ZNRF3: variants seen among roughly 807,000 people sequenced by gnomAD.
The protein encoded by ZNRF3 is E3 ubiquitin-protein ligase ZNRF3.
A neutral mutation model predicts 72.5 loss-of-function variants in ZNRF3; 23 were observed. The observed-to-expected ratio is 0.32, with a 90% CI of 0.23 to 0.45. ZNRF3 has a LOEUF of 0.45. Among genes scored for constraint, ZNRF3 ranks in the 20% least tolerant of loss-of-function variants. The pLI is 1.00. For synonymous variants in ZNRF3, 610 were observed against 545.3 expected (o/e 1.12, Z -1.65); for missense variants, 1,169 against 1,272.1 (o/e 0.92, Z 1.23).
At chr22:29,033,350 C>CAAAAAAAAAAA (rs60310622) in intron 2 of ZNRF3, among the ~76,000 whole-genome samples, 1 of 66,140 alleles carries the variant, frequency 1.5e-5, no homozygotes, top group Non-Finnish European at 2.7e-5. Context: ...GACTCCATCT[C>CAAAAAAAAAAA]AAAAAAAAAA....
At chr22:29,020,776 G>GGTGTGT (rs3037492) in intron 2 of ZNRF3, among the ~76,000 whole-genome samples, 91 of 86,156 alleles carry the variant, frequency 1.1e-3, no homozygotes, top group Middle Eastern at 6.8e-3. Context: ...TGTGTGTGTG[G>GGTGTGT]GTGTGTGTGT....
chr22:28,903,662 C>T (rs60213855), intron 1 of ZNRF3, among the ~76,000 whole-genome samples: 2,719 of 152,152 alleles, frequency 0.018, 91 homozygotes, highest in African/African-American at 0.062. Context: ...TCACTGCCTA[C>T]CTCCTCCTCT....
intron 1 of ZNRF3, among the ~76,000 whole-genome samples, chr22:28,914,553 G>A (rs1258906618): frequency 1.4e-5 from 2 of 139,708 alleles, no homozygotes; most frequent in African/African-American, 2.7e-5. Context: ...GGTGGCTCAC[G>A]CCTATAATTC....
In ZNRF3 at chr22:29,056,055, A is replaced by T. The variant is rs2037291972; in HGVS notation, c.*2433A>T. 6.6e-6 allele frequency: 1 copy of T among 152,078 alleles called. No individual in the cohort carries two copies. The highest frequency in any genetic ancestry group is 2.1e-4 in the South Asian group (1 of 4,828). 9.4% of individuals were successfully genotyped at this position (152,078 alleles called of 1,614,324 possible). On this transcript the variant is annotated 3_prime_UTR_variant, in exon 9 of 9. Transcript: ENST00000544604. ...TTAATTTTTGTAGCTTACAGGTGGT[A>T]GAAACAAAAATGCAATTTTAAAACC... is the stretch of plus-strand genomic sequence containing the variant.
intron 1 of ZNRF3, among the ~76,000 whole-genome samples, chr22:28,897,451 G>GCATTT (rs2034018916): frequency 6.6e-6 from 1 of 152,222 alleles, no homozygotes; most frequent in African/African-American, 2.4e-5. Flanking sequence ...CTCTTGAGTA[G>GCATTT]CTGGGACCAC....
At chr22:29,006,854 G>A (rs2036259511) in intron 2 of ZNRF3, among the ~76,000 whole-genome samples, 1 of 152,206 alleles carries the variant, frequency 6.6e-6, no homozygotes, top group Non-Finnish European at 1.5e-5. Flanking sequence ...GGTAGGTTTT[G>A]ATAAAGTCTT....
At chr22:28,895,511 C>CA (rs1180221758) in intron 1 of ZNRF3, among the ~76,000 whole-genome samples, 8 of 152,076 alleles carry the variant, frequency 5.3e-5, no homozygotes, top group Non-Finnish European at 1.0e-4. Context: ...ACTAAAAATA[C>CA]AAAAAATTAG....
At chr22:28,939,793 TG>T (rs2034909306) in intron 1 of ZNRF3, among the ~76,000 whole-genome samples, 1 of 152,164 alleles carries the variant, frequency 6.6e-6, no homozygotes, top group Non-Finnish European at 1.5e-5. Flanking sequence ...CCAAGTCAGG[TG>T]GAGCTTACAT....
intron 1 of ZNRF3, among the ~76,000 whole-genome samples, chr22:28,922,238 C>A (rs1370064829): frequency 1.3e-5 from 2 of 152,074 alleles, no homozygotes; most frequent in Admixed American, 6.5e-5. Context: ...TACTTTAAAT[C>A]GGGTTACTTG....
intron 1 of ZNRF3, among the ~76,000 whole-genome samples, chr22:28,934,817 C>CAAA (rs1244256699): frequency 3.5e-5 from 2 of 57,130 alleles, no homozygotes; most frequent in East Asian, 5.8e-4. Context: ...GACTCTGTCT[C>CAAA]AAAAAAAAAA....
intron 2 of ZNRF3, chr22:29,018,711 T>C (rs75708084): frequency 0.024 from 3,677 of 152,224 alleles, 67 homozygotes; most frequent in Non-Finnish European, 0.037. Flanking sequence ...AAAACAGAAA[T>C]AGGCTGAGGA....
In ZNRF3 at chr22:28,907,686, A is replaced by G. The variant is rs1474518113; in HGVS notation, c.300+23620A>G. ...TCTGAGTCACTGGCTGTCTTGAAACATAAGTCCCATTCTCCACACCCCTGT... is the reference window on the plus strand; with the variant it reads ...TCTGAGTCACTGGCTGTCTTGAAACGTAAGTCCCATTCTCCACACCCCTGT... On this transcript the variant is annotated intron_variant, in intron 1 of 8. Transcript: ENST00000544604. Among the ~76,000 whole-genome samples the G allele has an allele frequency of 2.0e-5, 3 of 152,208 alleles. No homozygotes were observed. The East Asian group carries it at 5.8e-4, about 29-fold the overall frequency.
At chr22:28,884,108 A>G in intron 1 of ZNRF3, 42 bp downstream of exon 1, 2 of 1,134,500 alleles carry the variant, frequency 1.8e-6, no homozygotes, top group Admixed American at 4.6e-5. Flanking sequence ...CTCCGCCACA[A>G]GATGGCTCCG....
At chr22:28,952,995 G>C (rs990471573) in intron 1 of ZNRF3, among the ~76,000 whole-genome samples, 1 of 152,160 alleles carries the variant, frequency 6.6e-6, no homozygotes, top group Non-Finnish European at 1.5e-5. Context: ...TGTGTATCAG[G>C]TTTCTGCTTA....
chr22:29,019,520 T>C (rs2036492250), intron 2 of ZNRF3, among the ~76,000 whole-genome samples: 1 of 152,184 alleles, frequency 6.6e-6, no homozygotes. Context: ...ACCACTTGCA[T>C]TCATGACATG....
chr22:28,937,169 CTTATAATATATATAT>C (rs1242746326), intron 1 of ZNRF3, among the ~76,000 whole-genome samples: 10 of 128,600 alleles, frequency 7.8e-5, no homozygotes, highest in African/African-American at 3.6e-4. Context: ...CTACTTCTCT[CTTATAATATATATAT>C]ATATATATAT....
chr22:29,015,170 A>G (rs1343637580), intron 2 of ZNRF3, among the ~76,000 whole-genome samples: 1 of 152,148 alleles, frequency 6.6e-6, no homozygotes, highest in Non-Finnish European at 1.5e-5. Flanking sequence ...AATATTCTCT[A>G]CTTGATTATT....
At chr22:28,961,970 A>G (rs1256792557) in intron 1 of ZNRF3, among the ~76,000 whole-genome samples, 1 of 152,212 alleles carries the variant, frequency 6.6e-6, no homozygotes, top group Non-Finnish European at 1.5e-5. Flanking sequence ...TTCTTGATTC[A>G]AGCTGGTCCT....
intron 1 of ZNRF3, 107 bp from the exon 2 acceptor site, chr22:28,986,969 T>G: frequency 6.8e-7 from 1 of 1,461,696 alleles, no homozygotes; most frequent in Non-Finnish European, 9.1e-7. Flanking sequence ...TCTTAAAATT[T>G]TAAGTTTTGA....
Sources: gnomAD v4.1 joint callset for allele counts (sites outside exome capture counted in the v4.1 genomes callset) on GRCh38, gnomAD v4.1.1 for gene constraint, MANE v1.5 for transcripts, NCBI Gene and HGNC (gene_info 2026-07-23, HGNC 2026-07-21) for gene names.